The following FRMD3 variants were observed in gnomAD, a reference collection of about 807,000 sequenced individuals.
The protein encoded by FRMD3 is FERM domain-containing protein 3.
In FRMD3, 33 loss-of-function variants were observed where a neutral mutation model predicts 70.2. The ratio of observed to expected loss-of-function variants is 0.47; its 90% CI spans 0.36 to 0.63. The LOEUF is 0.63. Ranked by LOEUF, FRMD3 falls within the 20% of genes least tolerant of loss-of-function variation. The pLI is 0.00. For missense variants in FRMD3, 632 were observed against 711.4 expected (o/e 0.89, Z 1.27); for synonymous variants, 279 against 255.9 (o/e 1.09, Z -0.86).
intron 2 of FRMD3, among the ~76,000 whole-genome samples, chr9:83,379,206 A>T (rs560835717): frequency 6.6e-6 from 1 of 152,150 alleles, no homozygotes; most frequent in Admixed American, 6.5e-5. Flanking sequence ...TGAGTTGGCC[A>T]GTGAAGTGGA....
intron 13 of FRMD3, among the ~76,000 whole-genome samples, chr9:83,282,327 ATAT>A (rs1305051858): frequency 1.3e-5 from 2 of 152,200 alleles, no homozygotes; most frequent in Non-Finnish European, 2.9e-5. Context: ...AAAATGGAGG[ATAT>A]TATATAGGTA....
chr9:83,407,608 G>A (rs987853518), intron 1 of FRMD3, among the ~76,000 whole-genome samples: 1 of 152,180 alleles, frequency 6.6e-6, no homozygotes, highest in South Asian at 2.1e-4. Flanking sequence ...AATAGAATAT[G>A]AGAAGTGTTC....
At chr9:83,536,613 T>A (rs1829897608) in intron 1 of FRMD3, among the ~76,000 whole-genome samples, 1 of 152,160 alleles carries the variant, frequency 6.6e-6, no homozygotes. Context: ...AATCCTTTTA[T>A]TATTAAGTTT....
chr9:83,519,922 T>C (rs1829534196), intron 1 of FRMD3, among the ~76,000 whole-genome samples: 1 of 151,964 alleles, frequency 6.6e-6, no homozygotes, highest in Non-Finnish European at 1.5e-5. Flanking sequence ...ATGTTCTCAC[T>C]CATAAGTGGG....
Position 83,538,095 on chromosome 9 carries a change from C to G in FRMD3, c.137G>C (p.Cys46Ser), listed in dbSNP as rs377055698. 6 of 1,612,894 alleles carry G rather than the reference C, an allele frequency of 3.7e-6. No individual in the cohort carries two copies. The African/African-American group carries it at 8.0e-5, about 22-fold the overall frequency. ...CGGTTCCACGCGCACCTGGATGTGG[C>G]AGGAGATCTCCGAGTCGTCCAGCAG... ...IRLLDDSEIS[C>S]HIQRETKGQF... Residue 46 changes from cysteine (C) to serine (S), a missense_variant, in exon 1 of 14, where the codon TGC becomes TCC. Transcript: ENST00000304195. The surrounding 1 kb of genome is among the most constrained non-coding windows in gnomAD (Gnocchi z 4.7).
intron 6 of FRMD3, among the ~76,000 whole-genome samples, chr9:83,327,100 G>C (rs903893265): frequency 3.0e-4 from 45 of 152,306 alleles, no homozygotes; most frequent in African/African-American, 1.0e-3. Flanking sequence ...ACAGTTGGCA[G>C]GGAAGGGAGT....
intron 13 of FRMD3, among the ~76,000 whole-genome samples, chr9:83,274,884 C>T (rs1407765902): frequency 6.6e-6 from 1 of 152,178 alleles, no homozygotes; most frequent in African/African-American, 2.4e-5. Flanking sequence ...GTGGTTAGGA[C>T]TTCTTCTGAG....
chr9:83,258,214 C>T (rs553330773), intron 13 of FRMD3, among the ~76,000 whole-genome samples: 1 of 152,276 alleles, frequency 6.6e-6, no homozygotes, highest in East Asian at 1.9e-4. Flanking sequence ...CTGATAGATG[C>T]TATTACTAGA....
At chr9:83,346,272 A>AC (rs909700960) in intron 4 of FRMD3, among the ~76,000 whole-genome samples, 10 of 150,180 alleles carry the variant, frequency 6.7e-5, no homozygotes, top group African/African-American at 2.4e-4. Context: ...AAAAAAAAAA[A>AC]AAAAAAAGTG....
chr9:83,441,464 A>G (rs1309937481), intron 1 of FRMD3, among the ~76,000 whole-genome samples: 2 of 152,182 alleles, frequency 1.3e-5, no homozygotes, highest in East Asian at 3.9e-4. Flanking sequence ...AAGGATTTAA[A>G]AAGTCACATT....
At chr9:83,443,573 C>T (rs1018171412) in intron 1 of FRMD3, among the ~76,000 whole-genome samples, 2 of 152,184 alleles carry the variant, frequency 1.3e-5, no homozygotes, top group Non-Finnish European at 2.9e-5. Context: ...CAAGTCTTTG[C>T]TATTGTGAAT....
chr9:83,331,861 A>G, intron 6 of FRMD3: 1 of 717,478 alleles, frequency 1.4e-6, no homozygotes, highest in Non-Finnish European at 2.6e-6. Context: ...CCTTCTGAAC[A>G]CCATAGAATT....
chr9:83,390,567 T>A (rs1297968032), intron 1 of FRMD3, among the ~76,000 whole-genome samples: 1 of 152,194 alleles, frequency 6.6e-6, no homozygotes, highest in African/African-American at 2.4e-5. Flanking sequence ...AATAAGGTGG[T>A]TGGACTAGAT....
intron 13 of FRMD3, among the ~76,000 whole-genome samples, chr9:83,250,766 T>A (rs1488991582): frequency 6.6e-6 from 1 of 152,182 alleles, no homozygotes; most frequent in Non-Finnish European, 1.5e-5. Context: ...CTTTCTTAAG[T>A]GGGACCCCAA....
chr9:83,243,841 T>C (rs1831960770), downstream of FRMD3, among the ~76,000 whole-genome samples: 1 of 152,024 alleles, frequency 6.6e-6, no homozygotes, highest in Non-Finnish European at 1.5e-5. Context: ...AACTGTTAGG[T>C]ATGGAGTTGT....
intron 1 of FRMD3, among the ~76,000 whole-genome samples, chr9:83,479,355 G>T (rs1007261838): frequency 4.5e-5 from 5 of 110,398 alleles, no homozygotes; most frequent in African/African-American, 1.8e-4. Context: ...AGGAGGAGGA[G>T]GAGGAGGAAG....
At position 83,389,761 on chromosome 9, in the gene FRMD3, G is replaced by A. The variant is rs991429405; in HGVS notation, c.148-53C>T. On this transcript the variant is annotated intron_variant, in intron 1 of 13. Transcript: ENST00000304195. Reference sequence around the variant, plus strand: ...GCCAGAGCTCACCTTGTGCATTCACGTCCTCAGGGAGCCTTGTTCACCACC... The same window carrying A: ...GCCAGAGCTCACCTTGTGCATTCACATCCTCAGGGAGCCTTGTTCACCACC... The A allele has an allele frequency of 3.3e-5, 41 of 1,259,152 alleles. No individual in the cohort carries two copies. In the Admixed American group the frequency reaches 3.4e-4, roughly 10 times the overall value. The allele number at this position is 1,259,152 out of a possible 1,614,324, so 78.0% of individuals were successfully genotyped here.
chr9:83,361,321 C>T (rs1190939196), intron 3 of FRMD3, among the ~76,000 whole-genome samples: 1 of 152,172 alleles, frequency 6.6e-6, no homozygotes, highest in East Asian at 1.9e-4. Context: ...GAATCAATAA[C>T]ATGCATAACA....
intron 6 of FRMD3, chr9:83,331,944 T>A: frequency 1.4e-6 from 1 of 711,034 alleles, no homozygotes; most frequent in Non-Finnish European, 2.6e-6. Context: ...GTGCTATGAA[T>A]CACTTCCGAA....
Sources: allele counts gnomAD v4.1 joint callset (sites outside exome capture counted in the v4.1 genomes callset), GRCh38; gene constraint gnomAD v4.1.1; non-coding constraint Gnocchi (gnomAD v3.1); transcripts MANE v1.5; gene names NCBI Gene and HGNC (gene_info 2026-07-23, HGNC 2026-07-21).